Variants in VGLL4 observed in about 807,000 individuals in gnomAD.
The protein encoded by VGLL4 is transcription cofactor vestigial-like protein 4.
In VGLL4, 7 loss-of-function variants were observed where a neutral mutation model predicts 21.0. That is an observed-to-expected ratio of 0.33 (90% CI 0.19 to 0.63). The LOEUF (loss-of-function observed/expected upper bound fraction) is 0.63. Among genes scored for constraint, VGLL4 ranks in the 20% least tolerant of loss-of-function variants. The probability of loss-of-function intolerance (pLI) is 0.78; values close to 1 mark genes in which losing one functional copy is unlikely to be tolerated. For missense variants in VGLL4, 394 were observed against 425.7 expected, an observed-to-expected ratio of 0.93 and a Z score of 0.66; for synonymous variants, 222 against 173.2, an observed-to-expected ratio of 1.28 and a Z score of -2.21.
chr3:11,627,595 C>CAAAA (rs57607183), intron 1 of VGLL4, among the ~76,000 whole-genome samples: 3 of 118,792 alleles, frequency 2.5e-5, no homozygotes, highest in Non-Finnish European at 5.1e-5. Context: ...AACTTCATCT[C>CAAAA]AAAAAAAAAA....
intron 1 of VGLL4, among the ~76,000 whole-genome samples, chr3:11,636,573 C>G (rs1214976651): frequency 6.6e-6 from 1 of 152,144 alleles, no homozygotes; most frequent in East Asian, 1.9e-4. Context: ...TCCAAAGAAA[C>G]CTGGCACAGC....
In VGLL4 at chr3:11,601,967, G is replaced by A. The variant is rs761744439; in HGVS notation, c.138C>T (p.Ala46=). 2 of 1,608,630 alleles carry A rather than the reference G, an allele frequency of 1.2e-6. No individual in the cohort carries two copies. The highest frequency in any genetic ancestry group is 1.7e-6 in the Non-Finnish European group (2 of 1,178,188). The change falls in exon 2 of 5, where the codon GCC becomes GCT. Residue 46 remains alanine (A), a synonymous_variant. Coordinates refer to ENST00000430365, the MANE Select transcript of VGLL4 (RefSeq NM_001128219.3). ...PRIQTLPVAS[A]LSSHRTGPPP... is the part of the protein sequence containing the mutation. ...GAGGGCCGGTGCGGTGACTGCTGAGGGCAGAGGCCACCGGCAGGGTCTGTA... is the reference window on the plus strand; with the variant it reads ...GAGGGCCGGTGCGGTGACTGCTGAGAGCAGAGGCCACCGGCAGGGTCTGTA...
chr3:11,560,922 G>A (rs2072929201), intron 3 of VGLL4, among the ~76,000 whole-genome samples: 1 of 152,188 alleles, frequency 6.6e-6, no homozygotes, highest in South Asian at 2.1e-4. Context: ...GGCTCGGAAA[G>A]GGGGTTGGGG....
intron 2 of VGLL4, among the ~76,000 whole-genome samples, chr3:11,578,750 T>TTTTTC (rs2074133477): frequency 7.7e-6 from 1 of 130,620 alleles, no homozygotes; most frequent in African/African-American, 2.9e-5. Flanking sequence ...TATATTTTCT[T>TTTTTC]TTTTTTTTTT....
At chr3:11,617,379 C>T (rs372028185) in intron 1 of VGLL4, among the ~76,000 whole-genome samples, 97 of 152,264 alleles carry the variant, frequency 6.4e-4, no homozygotes, top group African/African-American at 2.2e-3. Flanking sequence ...ACGGCTGAGA[C>T]CTGACGAGGC....
chr3:11,560,892 T>C (rs576342454), intron 3 of VGLL4, among the ~76,000 whole-genome samples: 2 of 152,194 alleles, frequency 1.3e-5, no homozygotes, highest in South Asian at 4.2e-4. Flanking sequence ...GGTGAGAGAC[T>C]TCACAATGCT....
chr3:11,646,414 CA>C (rs2075793744), upstream of VGLL4, among the ~76,000 whole-genome samples: 1 of 152,082 alleles, frequency 6.6e-6, no homozygotes, highest in Admixed American at 6.5e-5. Flanking sequence ...ACATTAGAAC[CA>C]GGGGGGAGCT....
chr3:11,570,894 G>GA (rs1291364201), intron 2 of VGLL4, among the ~76,000 whole-genome samples: 1 of 152,182 alleles, frequency 6.6e-6, no homozygotes, highest in Non-Finnish European at 1.5e-5. Flanking sequence ...TTGTGAGTGG[G>GA]AGAATTCACT....
chr3:11,559,758 G>A (rs144935406), intron 3 of VGLL4, among the ~76,000 whole-genome samples: 316 of 152,242 alleles, frequency 2.1e-3, no homozygotes, highest in African/African-American at 6.9e-3. Flanking sequence ...GACAAACACC[G>A]GGCATCCTGT....
chr3:11,644,233 G>C (rs1403433056), upstream of VGLL4, among the ~76,000 whole-genome samples: 1 of 152,156 alleles, frequency 6.6e-6, no homozygotes, highest in Non-Finnish European at 1.5e-5. Flanking sequence ...TGCAACTTTC[G>C]TGAAACTTCA....
chr3:11,606,060 T>A (rs147521270), intron 1 of VGLL4, among the ~76,000 whole-genome samples: 202 of 152,298 alleles, frequency 1.3e-3, no homozygotes, highest in African/African-American at 4.6e-3. Flanking sequence ...GGATTCATAG[T>A]TCCACATGCC....
chr3:11,606,486 A>G (rs893922720), intron 1 of VGLL4, among the ~76,000 whole-genome samples: 5 of 152,230 alleles, frequency 3.3e-5, no homozygotes, highest in Non-Finnish European at 7.3e-5. Context: ...TAGAATTGTA[A>G]AGTGGCATTG....
chr3:11,693,614 C>T (rs942579316), intron 2 of VGLL4, among the ~76,000 whole-genome samples: 7 of 152,166 alleles, frequency 4.6e-5, no homozygotes, highest in Admixed American at 3.9e-4. Context: ...AGTTCCTTTC[C>T]TTCAGTTAGC....
chr3:11,611,975 G>A (rs1404584021), intron 1 of VGLL4: 2 of 152,082 alleles, frequency 1.3e-5, no homozygotes, highest in Non-Finnish European at 2.9e-5. Flanking sequence ...TGATACTGGT[G>A]CAGGAGGGAT....
At position 11,564,682 on chromosome 3, in the gene VGLL4, C is replaced by T; in HGVS notation, c.495+115G>A. Reference sequence around the variant, plus strand: ...GTGGCATCCCTCACCACCTCCCTCCCTCACCACCTCCCTCCCTCACCACCG... The same window carrying T: ...GTGGCATCCCTCACCACCTCCCTCCTTCACCACCTCCCTCCCTCACCACCG... On this transcript the variant is annotated intron_variant, in intron 3 of 4. Coordinates refer to ENST00000430365, the MANE Select transcript of VGLL4 (RefSeq NM_001128219.3). 5.3e-6 allele frequency: 7 copies of T among 1,314,506 alleles called. No homozygotes were observed. The South Asian group carries it at 6.5e-5, about 12-fold the overall frequency. 81.4% of individuals were successfully genotyped at this position (1,314,506 alleles called of 1,614,324 possible). A position where few individuals can be genotyped will look rare whatever the true frequency, so the allele number is the denominator to read the frequency against.
intron 2 of VGLL4, among the ~76,000 whole-genome samples, chr3:11,597,559 C>G (rs2447615): frequency 6.6e-6 from 1 of 151,988 alleles, no homozygotes; most frequent in Non-Finnish European, 1.5e-5. Context: ...AAACAAAAAA[C>G]AAGTGTCAAA....
At position 11,628,700 on chromosome 3, in the gene VGLL4, A is replaced by G. The variant is rs185099315; in HGVS notation, c.82+14737T>C. Among the ~76,000 whole-genome samples the G allele has an allele frequency of 2.2e-4, 34 of 152,280 alleles. 1 individual carries two copies. Among genetic ancestry groups the G allele is most frequent in the South Asian group, 1.0e-3 (5 of 4,826 alleles). ...CCGGGCGTGGTGGCGGGCGCCTGTAATCCCAGCTATTCTGGAGGCTGAGGC... is the reference window on the plus strand; with the variant it reads ...CCGGGCGTGGTGGCGGGCGCCTGTAGTCCCAGCTATTCTGGAGGCTGAGGC... On this transcript the variant is annotated intron_variant, in intron 1 of 4. Transcript: ENST00000430365.
rs539305642 is a variant in VGLL4, at chr3:11,565,048, G to C, written c.273-29C>G. ...AAAAAGAGGAATGGGCATTCAGGGG[G>C]CGTTTTCTCAAAGGCAAAGGGGACA... On this transcript the variant is annotated intron_variant, in intron 2 of 4. Coordinates refer to ENST00000430365, the MANE Select transcript of VGLL4 (RefSeq NM_001128219.3). The surrounding 1 kb of genome is among the most constrained non-coding windows in gnomAD (Gnocchi z 4.1). 236 of 1,464,394 alleles carry C rather than the reference G, an allele frequency of 1.6e-4. 1 individual carries two copies. The highest frequency in any genetic ancestry group is 2.2e-4 in the African/African-American group (15 of 68,646). 90.7% of individuals were successfully genotyped at this position (1,464,394 alleles called of 1,614,324 possible). A position where few individuals can be genotyped will look rare whatever the true frequency, so the allele number is the denominator to read the frequency against.
chr3:11,573,320 AAAG>A (rs2073912700), intron 2 of VGLL4, among the ~76,000 whole-genome samples: 1 of 27,386 alleles, frequency 3.7e-5, no homozygotes, highest in Non-Finnish European at 7.7e-5. Context: ...AGGAAGGAAG[AAAG>A]AAAGAAAGAA....
Sources: gnomAD v4.1 joint callset for allele counts (sites outside exome capture counted in the v4.1 genomes callset) on GRCh38, gnomAD v4.1.1 for gene constraint, Gnocchi (gnomAD v3.1) non-coding constraint, MANE v1.5 for transcripts, NCBI Gene and HGNC (gene_info 2026-07-23, HGNC 2026-07-21) for gene names.